Variants in NRF1 observed in about 807,000 individuals in gnomAD.
NRF1 encodes alpha palindromic-binding protein.
Under a neutral mutation model 58.5 loss-of-function variants are expected in NRF1, and 5 were observed. The ratio of observed to expected loss-of-function variants is 0.09; its 90% confidence interval spans 0.04 to 0.18. The LOEUF is 0.18. Ranked by LOEUF, NRF1 falls within the 10% of genes least tolerant of loss-of-function variation. NRF1 has a pLI of 1.00. For synonymous variants in NRF1, 224 were observed against 246.7 expected (o/e 0.91, Z 0.86); for missense variants, 288 against 657.7 (o/e 0.44, Z 6.15).
chr7:129,664,062 T>A (rs1801864610), intron 2 of NRF1, among the ~76,000 whole-genome samples: 1 of 146,608 alleles, frequency 6.8e-6, no homozygotes, highest in Non-Finnish European at 1.5e-5. Context: ...GGCAGGGAGG[T>A]TGCAGGGAGC....
chr7:129,686,794 T>A (rs1353232618), intron 4 of NRF1, among the ~76,000 whole-genome samples: 1 of 152,218 alleles, frequency 6.6e-6, no homozygotes. Context: ...ATTGACATGT[T>A]GGTATGAAGT....
intron 10 of NRF1, among the ~76,000 whole-genome samples, chr7:129,737,066 T>C (rs1803731535): frequency 2.0e-5 from 3 of 152,222 alleles, no homozygotes; most frequent in African/African-American, 7.2e-5. Context: ...AATATAAAAT[T>C]CTTTAGCTGT....
chr7:129,625,898 G>A (rs1053279455), intron 1 of NRF1, among the ~76,000 whole-genome samples: 1 of 152,046 alleles, frequency 6.6e-6, no homozygotes, highest in Non-Finnish European at 1.5e-5. Context: ...TAGCCAGGAT[G>A]GTCTTGATTT....
chr7:129,725,432 A>G (rs946322665), intron 9 of NRF1, among the ~76,000 whole-genome samples: 3 of 152,106 alleles, frequency 2.0e-5, no homozygotes, highest in East Asian at 3.9e-4. Flanking sequence ...GGTTCAAGCA[A>G]TTCTCCTGCC....
At chr7:129,661,702 A>C (rs1172197008) in intron 2 of NRF1, among the ~76,000 whole-genome samples, 1 of 150,826 alleles carries the variant, frequency 6.6e-6, no homozygotes, top group Non-Finnish European at 1.5e-5. Flanking sequence ...GCCATTCATC[A>C]AGTCTCTTGG....
chr7:129,686,193 A>G (rs557031817), intron 4 of NRF1, among the ~76,000 whole-genome samples: 79 of 152,190 alleles, frequency 5.2e-4, no homozygotes, highest in Middle Eastern at 6.9e-3. Context: ...CAGCTAAAGA[A>G]GGAAGAAGGT....
intron 1 of NRF1, among the ~76,000 whole-genome samples, chr7:129,647,112 A>C (rs112590536): frequency 0.017 from 2,524 of 152,136 alleles, 60 homozygotes; most frequent in African/African-American, 0.058. Context: ...ATCTTGGCTC[A>C]CTGCAACCTC....
At chr7:129,713,707 G>C (rs1044566313) in intron 8 of NRF1, among the ~76,000 whole-genome samples, 2 of 152,234 alleles carry the variant, frequency 1.3e-5, no homozygotes, top group African/African-American at 4.8e-5. Flanking sequence ...AGTGAGATAA[G>C]GGTCTACTGG....
chr7:129,644,245 G>A (rs561611763), intron 1 of NRF1, among the ~76,000 whole-genome samples: 2 of 152,284 alleles, frequency 1.3e-5, no homozygotes, highest in African/African-American at 2.4e-5. Context: ...TTAGAGAGAT[G>A]TTTCAGTAAA....
intron 1 of NRF1, among the ~76,000 whole-genome samples, chr7:129,626,046 C>G (rs756247459): frequency 1.3e-5 from 2 of 151,998 alleles, no homozygotes; most frequent in African/African-American, 2.4e-5. Flanking sequence ...TCTCAAACAC[C>G]TGGCTTCAAG....
intron 8 of NRF1, among the ~76,000 whole-genome samples, chr7:129,713,534 A>G (rs931384035): frequency 2.6e-5 from 4 of 152,244 alleles, no homozygotes; most frequent in African/African-American, 7.2e-5. Context: ...GCTGAATAAC[A>G]AATAGGAAAA....
chr7:129,648,512 C>T (rs1801463777), intron 1 of NRF1, among the ~76,000 whole-genome samples: 1 of 152,116 alleles, frequency 6.6e-6, no homozygotes, highest in Non-Finnish European at 1.5e-5. Flanking sequence ...ACCTCCTGAC[C>T]TCGTGATCCG....
At chr7:129,697,220 C>T (rs1443278041) in intron 5 of NRF1, among the ~76,000 whole-genome samples, 3 of 151,150 alleles carry the variant, frequency 2.0e-5, no homozygotes, top group East Asian at 1.9e-4. Flanking sequence ...CTGGTGTCTA[C>T]GAAAACAAAA....
At chr7:129,742,298 A>T (rs955954913) in intron 10 of NRF1, among the ~76,000 whole-genome samples, 2 of 151,760 alleles carry the variant, frequency 1.3e-5, no homozygotes, top group Non-Finnish European at 2.9e-5. Flanking sequence ...AAAAACAAAA[A>T]ACTTTGCCAT....
intron 1 of NRF1, among the ~76,000 whole-genome samples, chr7:129,636,568 A>G (rs550460301): frequency 1.1e-4 from 16 of 152,242 alleles, no homozygotes; most frequent in African/African-American, 3.6e-4. Context: ...TTTTTTTAGA[A>G]CAAAGTTTAG....
Position 129,738,226 on chromosome 7 carries a change from GA to G in NRF1, c.1348+10862del, listed in dbSNP as rs144595891. Among the ~76,000 whole-genome samples, 296 of 152,316 alleles carry G rather than the reference GA, an allele frequency of 1.9e-3. 2 individuals are homozygous for G. Among genetic ancestry groups the G allele is most frequent in the African/African-American group, 6.9e-3 (286 of 41,560 alleles). The stretch of plus-strand genomic sequence containing the variant: ...TTTTTTAAATAGAGGGGGAGGAGGG[GA>G]TAGTCCTAGACCTGAAAAGATTCCT... On this transcript the variant is annotated intron_variant, in intron 10 of 10. Transcript: ENST00000393232.
At chr7:129,646,041 G>A (rs1801398613) in intron 1 of NRF1, among the ~76,000 whole-genome samples, 1 of 152,060 alleles carries the variant, frequency 6.6e-6, no homozygotes, top group Admixed American at 6.6e-5. Context: ...GTAGAGACAG[G>A]GTTTCATCAT....
chr7:129,737,664 C>T (rs1009266605), intron 10 of NRF1, among the ~76,000 whole-genome samples: 1 of 152,144 alleles, frequency 6.6e-6, no homozygotes, highest in African/African-American at 2.4e-5. Flanking sequence ...AATTTAGGAA[C>T]TGTATTATTG....
chr7:129,621,617 A>G (rs1044259188), intron 1 of NRF1, among the ~76,000 whole-genome samples: 38 of 152,152 alleles, frequency 2.5e-4, no homozygotes, highest in Non-Finnish European at 5.4e-4. Context: ...ATGGAATACC[A>G]TCATAGAACT....
Sources: gnomAD v4.1 joint callset for allele counts (sites outside exome capture counted in the v4.1 genomes callset) on GRCh38, gnomAD v4.1.1 for gene constraint, MANE v1.5 for transcripts, NCBI Gene and HGNC (gene_info 2026-07-23, HGNC 2026-07-21) for gene names.